Variants in MGAT4C observed in about 807,000 individuals in gnomAD.
MGAT4C encodes the protein MGAT4 family member C.
MGAT4C carries 19 observed loss-of-function variants against 40.1 expected under a neutral mutation model. The ratio of observed to expected loss-of-function variants is 0.47; its 90% CI spans 0.33 to 0.70. The LOEUF (loss-of-function observed/expected upper bound fraction) is 0.70. Ranked by LOEUF, MGAT4C falls within the 30% of genes least tolerant of loss-of-function variation. MGAT4C has a pLI of 0.02. For missense variants in MGAT4C, 491 were observed against 563.2 expected (o/e 0.87, Z 1.30); for synonymous variants, 181 against 187.1 (o/e 0.97, Z 0.27).
chr12:86,110,458 T>C (rs1644951705), intron 1 of MGAT4C, among the ~76,000 whole-genome samples: 1 of 148,642 alleles, frequency 6.7e-6, no homozygotes, highest in Admixed American at 6.8e-5. Context: ...TTATTATATA[T>C]GATGCCACAT....
At chr12:86,461,500 C>T (rs1227330130) in intron 2 of MGAT4C, among the ~76,000 whole-genome samples, 1 of 152,126 alleles carries the variant, frequency 6.6e-6, no homozygotes, top group South Asian at 2.1e-4. Flanking sequence ...CCTCCTCGGC[C>T]TCCCAAAGTG....
chr12:86,330,030 A>G (rs998544911), intron 4 of MGAT4C, among the ~76,000 whole-genome samples: 2 of 152,230 alleles, frequency 1.3e-5, no homozygotes, highest in Admixed American at 1.3e-4. Flanking sequence ...GTCATAGGAC[A>G]CAGGAAATGC....
intron 2 of MGAT4C, among the ~76,000 whole-genome samples, chr12:86,676,110 C>A (rs1408062464): frequency 6.6e-6 from 1 of 152,030 alleles, no homozygotes; most frequent in Non-Finnish European, 1.5e-5. Flanking sequence ...GGCAACCAAA[C>A]CAACCTGTGG....
At chr12:86,019,926 C>T (rs1889505510) in intron 2 of MGAT4C, among the ~76,000 whole-genome samples, 1 of 151,976 alleles carries the variant, frequency 6.6e-6, no homozygotes, top group South Asian at 2.1e-4. Flanking sequence ...AAGTTGGATT[C>T]CTAGGTATTT....
chr12:86,385,265 A>C (rs150170714), intron 3 of MGAT4C, among the ~76,000 whole-genome samples: 3 of 152,256 alleles, frequency 2.0e-5, no homozygotes, highest in African/African-American at 7.2e-5. Context: ...TAATAATAAG[A>C]ATAATATATG....
chr12:86,002,662 A>T (rs1006498526), intron 2 of MGAT4C, among the ~76,000 whole-genome samples: 9 of 149,644 alleles, frequency 6.0e-5, no homozygotes, highest in Non-Finnish European at 7.4e-5. Flanking sequence ...ATCCCATTCT[A>T]TGTATATACA....
chr12:86,018,261 T>TTTTATTTAATAAATAAATA (rs1889294309), intron 2 of MGAT4C, among the ~76,000 whole-genome samples: 1 of 152,174 alleles, frequency 6.6e-6, no homozygotes, highest in African/African-American at 2.4e-5. Flanking sequence ...CCCAAGGCAC[T>TTTTATTTAATAAATAAATA]AAACTGTAAC....
intron 1 of MGAT4C, among the ~76,000 whole-genome samples, chr12:86,748,610 T>C (rs1797060047): frequency 6.6e-6 from 1 of 151,578 alleles, no homozygotes; most frequent in African/African-American, 2.4e-5. Context: ...AGTAGGAGAA[T>C]GAGTAGTCAG....
intron 1 of MGAT4C, among the ~76,000 whole-genome samples, chr12:86,742,314 G>A (rs549514706): frequency 6.6e-6 from 1 of 151,562 alleles, no homozygotes; most frequent in South Asian, 2.1e-4. Context: ...CTTGCTGCAT[G>A]TTCAGTATTT....
chr12:86,464,403 A>G (rs1379782439), intron 2 of MGAT4C, among the ~76,000 whole-genome samples: 1 of 152,198 alleles, frequency 6.6e-6, no homozygotes, highest in East Asian at 1.9e-4. Flanking sequence ...ATAATTTTAT[A>G]TCAAAATCAC....
chr12:86,495,401 T>G (rs1958219388), intron 2 of MGAT4C: 1 of 152,118 alleles, frequency 6.6e-6, no homozygotes, highest in South Asian at 2.1e-4. Context: ...AGAAATTGTA[T>G]GTAATAAACA....
chr12:86,789,188 T>C (rs1478014648), intron 1 of MGAT4C, among the ~76,000 whole-genome samples: 1 of 152,122 alleles, frequency 6.6e-6, no homozygotes, highest in African/African-American at 2.4e-5. Context: ...AAACAATAAC[T>C]TTGCTACTAA....
chr12:86,218,523 T>C (rs535704467), intron 1 of MGAT4C, among the ~76,000 whole-genome samples: 29 of 152,174 alleles, frequency 1.9e-4, no homozygotes, highest in Non-Finnish European at 4.0e-4. Context: ...TGTGAAATAA[T>C]AAGTAATGCT....
chr12:85,970,827 A>C lies in MGAT4C; in HGVS notation c.*8462T>G, dbSNP rs78477658. On this transcript the variant is annotated 3_prime_UTR_variant, in exon 5 of 5. Transcript: ENST00000611864. ...TGTGAAATGTTGATATAGTATGTAC[A>C]ACTTGTTTCTTAAGTTACTAAAAAT... 271 of 151,436 alleles carry C rather than the reference A, an allele frequency of 1.8e-3. 1 individual carries two copies. Among genetic ancestry groups the C allele is most frequent in the African/African-American group, 6.3e-3 (260 of 41,474 alleles). 9.4% of individuals were successfully genotyped at this position (151,436 alleles called of 1,614,324 possible).
intron 1 of MGAT4C, among the ~76,000 whole-genome samples, chr12:86,108,422 T>C (rs979396506): frequency 2.0e-5 from 3 of 152,150 alleles, no homozygotes; most frequent in Non-Finnish European, 4.4e-5. Context: ...TTTTCTTTTT[T>C]TTCTTTTTCT....
intron 3 of MGAT4C, among the ~76,000 whole-genome samples, chr12:86,386,918 TA>T (rs2136224878): frequency 6.6e-6 from 1 of 152,326 alleles, no homozygotes; most frequent in African/African-American, 2.4e-5. Flanking sequence ...CATAGCTGAC[TA>T]ATAACACATA....
At chr12:86,666,089 T>G (rs1280258055) in intron 2 of MGAT4C, among the ~76,000 whole-genome samples, 1 of 152,332 alleles carries the variant, frequency 6.6e-6, no homozygotes, top group South Asian at 2.1e-4. Context: ...ACTGCAATTC[T>G]TAAAACAAGC....
At chr12:86,687,172 G>A (rs1473763159) in intron 2 of MGAT4C, among the ~76,000 whole-genome samples, 2 of 152,142 alleles carry the variant, frequency 1.3e-5, no homozygotes, top group African/African-American at 4.8e-5. Flanking sequence ...TTGTATTTCT[G>A]TGGGATCAGT....
intron 2 of MGAT4C, among the ~76,000 whole-genome samples, chr12:86,548,288 T>C (rs1042523629): frequency 6.6e-6 from 1 of 152,114 alleles, no homozygotes; most frequent in African/African-American, 2.4e-5. Flanking sequence ...CTTGATTTTT[T>C]TTAATACTGG....
Sources: gnomAD v4.1 joint callset for allele counts (sites outside exome capture counted in the v4.1 genomes callset) on GRCh38, gnomAD v4.1.1 for gene constraint, MANE v1.5 for transcripts, NCBI Gene and HGNC (gene_info 2026-07-23, HGNC 2026-07-21) for gene names.